MTA3: variants seen among roughly 807,000 people sequenced by gnomAD.
The protein encoded by MTA3 is metastasis-associated protein MTA3.
MTA3 carries 34 observed loss-of-function variants against 83.5 expected under a neutral mutation model. The ratio of observed to expected loss-of-function variants is 0.41; its 90% CI spans 0.31 to 0.54. MTA3 has a LOEUF of 0.54. Among genes scored for constraint, MTA3 ranks in the 20% least tolerant of loss-of-function variants. MTA3 has a pLI of 0.33. For missense variants in MTA3, 761 were observed against 726.4 expected (o/e 1.05, Z -0.55); for synonymous variants, 303 against 252.7 (o/e 1.20, Z -1.89).
At chr2:42,536,243 A>G (rs2011067) in intron 2 of MTA3, among the ~76,000 whole-genome samples, 55,697 of 150,032 alleles carry the variant, frequency 0.37, 10,342 homozygotes, top group South Asian at 0.42. Flanking sequence ...GGAGGCTGAG[A>G]TGGGTGGATC....
At chr2:42,589,108 T>C (rs2103925034) in intron 3 of MTA3, among the ~76,000 whole-genome samples, 1 of 152,286 alleles carries the variant, frequency 6.6e-6, no homozygotes, top group South Asian at 2.1e-4. Context: ...TAGATTTTGA[T>C]TGAATGACTA....
intron 12 of MTA3, among the ~76,000 whole-genome samples, chr2:42,705,700 C>T (rs1044446651): frequency 1.3e-5 from 2 of 152,006 alleles, no homozygotes; most frequent in African/African-American, 2.4e-5. Context: ...AGTGAAACAT[C>T]GTCTCCCCCC....
chr2:42,555,065 G>T (rs1298308856), intron 2 of MTA3, among the ~76,000 whole-genome samples: 1 of 151,308 alleles, frequency 6.6e-6, no homozygotes, highest in Non-Finnish European at 1.5e-5. Flanking sequence ...AGGCAGGAGA[G>T]TCGCTGGAAC....
chr2:42,626,232 C>T (rs760952872), intron 4 of MTA3, among the ~76,000 whole-genome samples: 59 of 150,118 alleles, frequency 3.9e-4, no homozygotes, highest in African/African-American at 1.1e-3. Context: ...CGTGAACCAC[C>T]GTGCCCGGCC....
chr2:42,720,025 A>G (rs907870326), intron 15 of MTA3, among the ~76,000 whole-genome samples: 1 of 152,158 alleles, frequency 6.6e-6, no homozygotes, highest in African/African-American at 2.4e-5. Flanking sequence ...GACTGCAGAC[A>G]TCAACTCTTT....
At chr2:42,548,831 TATATATATATATATA>T (rs70963329) in intron 2 of MTA3, among the ~76,000 whole-genome samples, 1,019 of 8,298 alleles carry the variant, frequency 0.12, 100 homozygotes, top group East Asian at 0.33. Context: ...ATATATATAA[TATATATATATATATA>T]ATATATATAT....
chr2:42,571,896 A>T (rs753593080), intron 2 of MTA3, among the ~76,000 whole-genome samples: 2 of 151,482 alleles, frequency 1.3e-5, no homozygotes, highest in Non-Finnish European at 2.9e-5. Context: ...GCAGTGAGCC[A>T]AGATCACGCC....
At chr2:42,726,195 C>T (rs986800751) in intron 16 of MTA3, among the ~76,000 whole-genome samples, 1 of 152,136 alleles carries the variant, frequency 6.6e-6, no homozygotes, top group Non-Finnish European at 1.5e-5. Context: ...GATGAGCATA[C>T]CAAACAGAGT....
intron 11 of MTA3, among the ~76,000 whole-genome samples, chr2:42,702,104 A>G (rs57447368): frequency 4.1e-5 from 6 of 147,390 alleles, no homozygotes; most frequent in African/African-American, 1.5e-4. Context: ...CCAGCTCCTC[A>G]GGAGGCTGAG....
chr2:42,569,031 G>A (rs1336421978), intron 1 of MTA3, among the ~76,000 whole-genome samples: 2 of 152,056 alleles, frequency 1.3e-5, no homozygotes, highest in African/African-American at 4.8e-5. Flanking sequence ...GCCTCTACTT[G>A]GGGGTACGAA....
At chr2:42,567,759 T>G (rs1317635173), upstream of MTA3, among the ~76,000 whole-genome samples, 3 of 152,238 alleles carry the variant, frequency 2.0e-5, no homozygotes, top group African/African-American at 7.2e-5. Context: ...ACCAGTTAAG[T>G]GTCCATCGAC....
At chr2:42,665,781 T>C (rs1478086471) in intron 8 of MTA3, among the ~76,000 whole-genome samples, 1 of 152,220 alleles carries the variant, frequency 6.6e-6, no homozygotes, top group Non-Finnish European at 1.5e-5. Context: ...TAGAGAAGAC[T>C]GTTTTACAGG....
At chr2:42,646,048 T>G (rs985948047) in intron 6 of MTA3, among the ~76,000 whole-genome samples, 8 of 152,210 alleles carry the variant, frequency 5.3e-5, no homozygotes, top group African/African-American at 1.9e-4. Flanking sequence ...CCCAGACCTC[T>G]TAAGAATTAC....
intron 2 of MTA3, among the ~76,000 whole-genome samples, chr2:42,541,031 ATT>A (rs1203752843): frequency 1.5e-4 from 21 of 139,844 alleles, no homozygotes; most frequent in Non-Finnish European, 1.6e-4. Context: ...CTTACTTCAA[ATT>A]TTTTTTTTTT....
intron 14 of MTA3, among the ~76,000 whole-genome samples, chr2:42,714,399 A>G (rs1008438050): frequency 1.3e-5 from 2 of 152,206 alleles, no homozygotes; most frequent in Admixed American, 6.5e-5. Context: ...TATAAAAAAA[A>G]AATCATGAGT....
rs1205667790 is a variant in MTA3, at chr2:42,503,176, A to G, written c.-141+7922A>G. Among the ~76,000 whole-genome samples, 7 of 152,296 alleles carry G rather than the reference A, an allele frequency of 4.6e-5. No homozygotes were observed. The South Asian group carries it at 1.0e-3, about 23-fold the overall frequency. On this transcript the variant is annotated intron_variant, in intron 2 of 17. Coordinates refer to the MTA3 transcript ENST00000405592. Reference sequence around the variant, plus strand: ...CAAGGGCTGCTGGTTGCCCATTTTTATGGTTATTTCTTGATGATACGCTGA... The same window carrying G: ...CAAGGGCTGCTGGTTGCCCATTTTTGTGGTTATTTCTTGATGATACGCTGA...
At position 42,753,366 on chromosome 2, in the gene MTA3, T is replaced by A; in HGVS notation, c.1760-8T>A. ...TTTAACCTTCACACTGTTACTTCCC[T>A]TTTCTAGAACTCACGTGCTGTGTGT... On this transcript the variant is annotated splice_region_variant and splice_polypyrimidine_tract_variant and intron_variant, in intron 16 of 16. Transcript: ENST00000405094. 6.4e-7 allele frequency: 1 copy of A among 1,550,552 alleles called. No individual in the cohort carries two copies. Among genetic ancestry groups the A allele is most frequent in the African/African-American group, 1.4e-5 (1 of 73,186 alleles).
chr2:42,521,751 C>CTTTT (rs35664371), intron 2 of MTA3, among the ~76,000 whole-genome samples: 2,540 of 106,320 alleles, frequency 0.024, 143 homozygotes, highest in African/African-American at 0.068. Flanking sequence ...ATCTTTCTCT[C>CTTTT]TTTTTTTTTT....
rs377375574 is a variant in MTA3, at chr2:42,572,386, C to A, written c.96+1882C>A. ...ATCCTTTGAGTCCAGGAGTTCCAGA[C>A]TAGCCTGGGTAACATAGGGAAACCC... On this transcript the variant is annotated intron_variant, in intron 2 of 16. Transcript: ENST00000405094. Among the ~76,000 whole-genome samples, 736 of 151,940 alleles carry A rather than the reference C, an allele frequency of 4.8e-3. 7 individuals carry two copies. The highest frequency in any genetic ancestry group is 0.017 in the African/African-American group (696 of 41,404).
Sources: gnomAD v4.1 joint callset for allele counts (sites outside exome capture counted in the v4.1 genomes callset) on GRCh38, gnomAD v4.1.1 for gene constraint, MANE v1.5 for transcripts, NCBI Gene and HGNC (gene_info 2026-07-23, HGNC 2026-07-21) for gene names.